The following INSR variants were observed in gnomAD, a reference collection of about 807,000 sequenced individuals.
The protein encoded by INSR is insulin receptor, also known as IR.
A neutral mutation model predicts 142.6 loss-of-function variants in INSR; 67 were observed. The observed-to-expected ratio is 0.47, with a 90% confidence interval of 0.39 to 0.58. INSR has a LOEUF of 0.58. Among genes scored for constraint, INSR ranks in the 20% least tolerant of loss-of-function variants. The pLI is 0.00. For synonymous variants in INSR, 756 were observed against 743.1 expected, an observed-to-expected ratio of 1.02 and a Z score of -0.28; for missense variants, 1,248 against 1,833.2, an observed-to-expected ratio of 0.68 and a Z score of 5.83.
At chr19:7,251,427 T>G (rs2145175711) in intron 2 of INSR, among the ~76,000 whole-genome samples, 2 of 151,952 alleles carry the variant, frequency 1.3e-5, no homozygotes, top group South Asian at 4.2e-4. Context: ...CGGCTAATTT[T>G]TTATTTTATT....
chr19:7,283,233 A>G (rs1232729972), intron 1 of INSR, among the ~76,000 whole-genome samples: 1 of 152,080 alleles, frequency 6.6e-6, no homozygotes, highest in African/African-American at 2.4e-5. Flanking sequence ...TAAAATCCCG[A>G]GAGCCACTGC....
At chr19:7,195,149 C>A (rs977858047) in intron 2 of INSR, among the ~76,000 whole-genome samples, 1 of 152,084 alleles carries the variant, frequency 6.6e-6, no homozygotes, top group Admixed American at 6.6e-5. Context: ...CTGAGCCTTA[C>A]GGGAAATGTA....
At chr19:7,151,716 A>G (rs1334751111) in intron 10 of INSR, among the ~76,000 whole-genome samples, 2 of 151,968 alleles carry the variant, frequency 1.3e-5, no homozygotes, top group Non-Finnish European at 2.9e-5. Context: ...AAAAAAAAAA[A>G]GAGGATTCTT....
rs995640732 is a variant in INSR, at chr19:7,168,914, A to G, written c.1484-820T>C. 6.6e-6 allele frequency among the ~76,000 whole-genome samples: 1 copy of G among 151,994 alleles called. No homozygotes were observed. Among genetic ancestry groups the G allele is most frequent in the Non-Finnish European group, 1.5e-5 (1 of 67,998 alleles). Reference sequence around the variant, plus strand: ...CCACCATGCCCAGCCCTTGCACTACATTTTGACATAAGTAACTAACTCCCC... The same window carrying G: ...CCACCATGCCCAGCCCTTGCACTACGTTTTGACATAAGTAACTAACTCCCC... On this transcript the variant is annotated intron_variant, in intron 6 of 21. Transcript: ENST00000302850. The surrounding 1 kb of genome is among the most constrained non-coding windows in gnomAD (Gnocchi z 4.3).
In INSR at chr19:7,126,624, A is replaced by G; in HGVS notation, c.2973T>C (p.Leu991=). The G allele has an allele frequency of 6.4e-7, 1 of 1,565,996 alleles. No homozygotes were observed. The highest frequency in any genetic ancestry group is 1.2e-5 in the South Asian group (1 of 85,216). ...GATACTCAGGGTTTGAAGAAGCGTA[A>G]AGCGGTCCCAGCGGCCCATCTGGCT... is the stretch of plus-strand genomic sequence containing the variant. ...KRQPDGPLGP[L]YASSNPEYLS... The change falls in exon 16 of 22, where the codon CTT becomes CTC. Residue 991 remains leucine (L), a synonymous_variant. Transcript: ENST00000302850.
At chr19:7,291,112 T>C (rs1171778974) in intron 1 of INSR, among the ~76,000 whole-genome samples, 1 of 151,344 alleles carries the variant, frequency 6.6e-6, no homozygotes, top group African/African-American at 2.4e-5. Flanking sequence ...AGATTAATGA[T>C]CTGAAAAGTT....
chr19:7,230,300 C>A (rs1198780281), intron 2 of INSR, among the ~76,000 whole-genome samples: 1 of 152,178 alleles, frequency 6.6e-6, no homozygotes, highest in Non-Finnish European at 1.5e-5. Flanking sequence ...CAGCTCTAGA[C>A]TGAGGTCAGG....
At chr19:7,155,672 G>C (rs1173120031) in intron 9 of INSR, among the ~76,000 whole-genome samples, 2 of 151,746 alleles carry the variant, frequency 1.3e-5, no homozygotes, top group African/African-American at 2.4e-5. Flanking sequence ...CAGAACTTTG[G>C]GAGGCTGAGG....
In INSR at chr19:7,141,671, C is replaced by A. The variant is rs376929637; in HGVS notation, c.2682+6G>T. ...CAGGGGCATGCCCAAGAGTCAAGGG[C>A]CTTACCTCATCACCATATCGCCGAT... On this transcript the variant is annotated splice_donor_region_variant and intron_variant, in intron 13 of 21. Transcript: ENST00000302850. The A allele has an allele frequency of 5.1e-5, 83 of 1,614,040 alleles. No individual in the cohort carries two copies. The highest frequency in any genetic ancestry group is 6.4e-5 in the Non-Finnish European group (76 of 1,180,016).
intron 2 of INSR, among the ~76,000 whole-genome samples, chr19:7,202,996 G>GTTTTTTTTTTTTTTTTTT (rs371572449): frequency 1.5e-5 from 1 of 67,774 alleles, no homozygotes; most frequent in African/African-American, 3.8e-5. Flanking sequence ...GGGTTTTGTT[G>GTTTTTTTTTTTTTTTTTT]TTTTTTTTTT....
intron 13 of INSR, among the ~76,000 whole-genome samples, chr19:7,135,304 CTTTTTTTTTTTTTTTT>C (rs34080394): frequency 3.3e-5 from 2 of 60,054 alleles, no homozygotes; most frequent in South Asian, 8.0e-4. Flanking sequence ...AATGCATCTT[CTTTTTTTTTTTTTTTT>C]TTTTTTTTTT....
chr19:7,279,064 G>C (rs1968139314), intron 1 of INSR, among the ~76,000 whole-genome samples: 1 of 152,112 alleles, frequency 6.6e-6, no homozygotes, highest in Non-Finnish European at 1.5e-5. Context: ...AGGAGGGAGA[G>C]GTTGAGTGAG....
At position 7,162,238 on chromosome 19, in the gene INSR, A is replaced by C. The variant is rs149375594; in HGVS notation, c.2029+794T>G. Reference sequence around the variant, plus strand: ...GCTACTCAGGAGCCTGAGGCAGGAGAATCGCTTGCGCCTGGGAGGCAGAAG... The same window carrying C: ...GCTACTCAGGAGCCTGAGGCAGGAGCATCGCTTGCGCCTGGGAGGCAGAAG... On this transcript the variant is annotated intron_variant, in intron 9 of 21. Transcript: ENST00000302850. Among the ~76,000 whole-genome samples the C allele has an allele frequency of 6.5e-3, 976 of 150,848 alleles. 5 individuals carry two copies. The highest frequency in any genetic ancestry group is 0.061 in the Middle Eastern group (18 of 294).
In INSR at chr19:7,119,693, C is replaced by T. The variant is rs1403677112; in HGVS notation, c.3660-110G>A. ...GCACACACACACGCAAACACACATG[C>T]CAACACATACATGCAAACACACACA... On this transcript the variant is annotated intron_variant, in intron 20 of 21. Transcript: ENST00000302850. The surrounding 1 kb of genome is among the most constrained non-coding windows in gnomAD (Gnocchi z 5.2). 5.0e-6 allele frequency: 6 copies of T among 1,208,128 alleles called. No individual in the cohort carries two copies. Among genetic ancestry groups the T allele is most frequent in the East Asian group, 4.8e-5 (2 of 41,988 alleles). 74.8% of individuals were successfully genotyped at this position (1,208,128 alleles called of 1,614,324 possible).
At chr19:7,208,859 T>C (rs1049115144) in intron 2 of INSR, among the ~76,000 whole-genome samples, 4 of 152,194 alleles carry the variant, frequency 2.6e-5, no homozygotes, top group Middle Eastern at 3.4e-3. Flanking sequence ...AAAAATTAGC[T>C]GGGCATGGTG....
At chr19:7,199,286 G>C (rs974923860) in intron 2 of INSR, among the ~76,000 whole-genome samples, 1 of 152,090 alleles carries the variant, frequency 6.6e-6, no homozygotes, top group African/African-American at 2.4e-5. Context: ...AGGCATAGAG[G>C]GGCTACTTTG....
chr19:7,152,317 G>A (rs543607036), intron 10 of INSR: 8 of 290,686 alleles, frequency 2.8e-5, no homozygotes, highest in African/African-American at 1.6e-4. Context: ...CTCGAACCCG[G>A]AAAGGGTGAG....
intron 8 of INSR, among the ~76,000 whole-genome samples, chr19:7,165,468 C>T (rs921105912): frequency 6.6e-6 from 1 of 151,974 alleles, no homozygotes; most frequent in African/African-American, 2.4e-5. Flanking sequence ...GAATATTTGA[C>T]AATTTTTCAT....
rs933341865 is a variant in INSR, at chr19:7,159,118, G to A, written c.2029+3914C>T. Reference sequence around the variant, plus strand: ...GGGTTTCACCATGTTGCCCAGGCTGGTCTCGAACTCCTGGCCTCAAAGTGA... The same window carrying A: ...GGGTTTCACCATGTTGCCCAGGCTGATCTCGAACTCCTGGCCTCAAAGTGA... On this transcript the variant is annotated intron_variant, in intron 9 of 21. Transcript: ENST00000302850. The surrounding 1 kb of genome is among the most constrained non-coding windows in gnomAD (Gnocchi z 4.3). Among the ~76,000 whole-genome samples the A allele has an allele frequency of 6.6e-6, 1 of 152,092 alleles. No individual in the cohort carries two copies. The highest frequency in any genetic ancestry group is 1.9e-4 in the East Asian group (1 of 5,192).
Sources: allele counts gnomAD v4.1 joint callset (sites outside exome capture counted in the v4.1 genomes callset), GRCh38; gene constraint gnomAD v4.1.1; non-coding constraint Gnocchi (gnomAD v3.1); transcripts MANE v1.5; gene names NCBI Gene and HGNC (gene_info 2026-07-23, HGNC 2026-07-21).